Variants in ZNF704 observed in about 807,000 individuals in gnomAD.
ZNF704 encodes glucocorticoid induced gene 1.
In ZNF704, 10 loss-of-function variants were observed where a neutral mutation model predicts 44.7. The observed-to-expected ratio is 0.22, with a 90% CI of 0.14 to 0.38. The LOEUF is 0.38. ZNF704 is among the 10% of genes least tolerant of loss of function. The pLI is 1.00. For missense variants in ZNF704, 390 were observed against 545.5 expected (o/e 0.71, Z 2.84); for synonymous variants, 211 against 207.6 (o/e 1.02, Z -0.14).
chr8:80,653,465 G>T (rs1229900817), intron 7 of ZNF704, among the ~76,000 whole-genome samples: 2 of 152,182 alleles, frequency 1.3e-5, no homozygotes, highest in Admixed American at 6.5e-5. Context: ...AGTAACTTCA[G>T]CAAAGTCTCA....
chr8:80,637,554 AT>A lies in ZNF704; in HGVS notation c.*3811del. On this transcript the variant is annotated 3_prime_UTR_variant, in exon 9 of 9. Coordinates refer to ENST00000327835, the MANE Select transcript of ZNF704 (RefSeq NM_001033723.3). ...GACTTAAAACTCGAGTGCTCTTGAGATTTAATGGAGGACATTTCAGTTTCAA... is the reference window on the plus strand; with the variant it reads ...GACTTAAAACTCGAGTGCTCTTGAGATTAATGGAGGACATTTCAGTTTCAA... 1 of 152,342 alleles carries A rather than the reference AT, an allele frequency of 6.6e-6. No individual in the cohort carries two copies. Among genetic ancestry groups the A allele is most frequent in the East Asian group, 1.9e-4 (1 of 5,184 alleles). The allele number at this position is 152,342 out of a possible 1,614,324, so 9.4% of individuals were successfully genotyped here. A position where few individuals can be genotyped will look rare whatever the true frequency, so the allele number is the denominator to read the frequency against.
At chr8:80,758,183 T>G (rs1807068897) in intron 2 of ZNF704, among the ~76,000 whole-genome samples, 1 of 152,252 alleles carries the variant, frequency 6.6e-6, no homozygotes, top group South Asian at 2.1e-4. Flanking sequence ...CTTCCTTCAG[T>G]TCACTGTGGA....
At chr8:80,759,237 ACCCTAGAGTAAC>A (rs557243915) in intron 2 of ZNF704, among the ~76,000 whole-genome samples, 5 of 151,144 alleles carry the variant, frequency 3.3e-5, no homozygotes, top group Non-Finnish European at 7.4e-5. Context: ...CTTTTGATGG[ACCCTAGAGTAAC>A]ATTATAGTTA....
chr8:80,858,956 T>C (rs77557075), intron 1 of ZNF704, among the ~76,000 whole-genome samples: 1,789 of 152,318 alleles, frequency 0.012, 33 homozygotes, highest in African/African-American at 0.04. Context: ...ATTCTACAAG[T>C]ATTAACTAGA....
chr8:80,647,046 A>G (rs1817844884), intron 7 of ZNF704, among the ~76,000 whole-genome samples: 1 of 152,220 alleles, frequency 6.6e-6, no homozygotes, highest in South Asian at 2.1e-4. Flanking sequence ...TCTTCATTCA[A>G]CAGATATTTA....
At position 80,709,449 on chromosome 8, in the gene ZNF704, A is replaced by T. The variant is rs959280841; in HGVS notation, c.222-16342T>A. 5.7e-3 allele frequency among the ~76,000 whole-genome samples: 769 copies of T among 133,828 alleles called. 30 individuals carry two copies. The highest frequency in any genetic ancestry group is 0.02 in the African/African-American group (731 of 36,632). 87.8% of individuals were successfully genotyped at this position (133,828 alleles called of 152,430 possible). ...CAGTGCGAGACTCCATCTCAAAAAA[A>T]AAAAAAAAAAAAAAAAAAAAAAAAG... is the stretch of plus-strand genomic sequence containing the variant. On this transcript the variant is annotated intron_variant, in intron 2 of 8. Transcript: ENST00000327835.
At chr8:80,667,703 T>C (rs909106594) in intron 5 of ZNF704, among the ~76,000 whole-genome samples, 1 of 152,122 alleles carries the variant, frequency 6.6e-6, no homozygotes, top group African/African-American at 2.4e-5. Flanking sequence ...AATGAATGAG[T>C]GAATGAATGG....
chr8:80,802,207 A>C (rs1186369673), intron 2 of ZNF704, among the ~76,000 whole-genome samples: 1 of 151,268 alleles, frequency 6.6e-6, no homozygotes, highest in East Asian at 1.9e-4. Context: ...AAAAAAAAAA[A>C]AAAAAAGCCC....
At chr8:80,826,955 C>T (rs931113706) in intron 1 of ZNF704, among the ~76,000 whole-genome samples, 5 of 152,096 alleles carry the variant, frequency 3.3e-5, no homozygotes, top group African/African-American at 1.2e-4. Flanking sequence ...ATGACAAACC[C>T]ACAGCGAATA....
At position 80,659,524 on chromosome 8, in the gene ZNF704, C is replaced by A. The variant is rs150829194; in HGVS notation, c.1032+61G>T. 1.7e-5 allele frequency: 23 copies of A among 1,375,128 alleles called. No homozygotes were observed. In the East Asian group the frequency reaches 4.4e-4, roughly 26 times the overall value. 85.2% of individuals were successfully genotyped at this position (1,375,128 alleles called of 1,614,324 possible). On this transcript the variant is annotated intron_variant, in intron 7 of 8. Coordinates refer to ENST00000327835, the MANE Select transcript of ZNF704 (RefSeq NM_001033723.3). ...TTCTTGCATGCCTCTACTATTTGTTCGCTAAATTTAGTCTACATTGGCTTT... is the reference window on the plus strand; with the variant it reads ...TTCTTGCATGCCTCTACTATTTGTTAGCTAAATTTAGTCTACATTGGCTTT...
In ZNF704 at chr8:80,821,529, G is replaced by A. The variant is rs769645549; in HGVS notation, c.66C>T (p.His22=). ...RDCGKKMSHQ[H]VFSLAMEEDV... ...CTTCCTCCATGGCCAAGGAAAACAC[G>A]TGTTGATGAGACATTTTTTTACCAC... The change falls in exon 2 of 9, where the codon CAC becomes CAT. Residue 22 remains histidine (H), a synonymous_variant. Transcript: ENST00000327835. 6.2e-6 allele frequency: 10 copies of A among 1,614,102 alleles called. No individual in the cohort carries two copies. Among genetic ancestry groups the A allele is most frequent in the Admixed American group, 1.7e-5 (1 of 60,004 alleles).
At chr8:80,730,538 TAAAAAAA>T (rs148942015) in intron 2 of ZNF704, among the ~76,000 whole-genome samples, 12 of 63,966 alleles carry the variant, frequency 1.9e-4, no homozygotes, top group South Asian at 8.6e-4. Flanking sequence ...GACTACATCT[TAAAAAAA>T]AAAAAAAAAA....
intron 2 of ZNF704, among the ~76,000 whole-genome samples, chr8:80,816,814 T>A (rs1264472050): frequency 6.6e-6 from 1 of 152,186 alleles, no homozygotes; most frequent in Non-Finnish European, 1.5e-5. Context: ...GAAAGTTGAA[T>A]AATTTGAAGA....
intron 1 of ZNF704, among the ~76,000 whole-genome samples, chr8:80,868,067 G>A (rs745981473): frequency 2.6e-5 from 4 of 152,114 alleles, no homozygotes; most frequent in Admixed American, 1.3e-4. Context: ...TCTCAGCCTC[G>A]CTACTGTTTT....
intron 7 of ZNF704, among the ~76,000 whole-genome samples, chr8:80,646,879 C>T (rs2131592885): frequency 6.6e-6 from 1 of 152,114 alleles, no homozygotes; most frequent in South Asian, 2.1e-4. Context: ...TTATAGAATC[C>T]CAAGAACACT....
In ZNF704 at chr8:80,692,860, G is replaced by A. The variant is rs541374535; in HGVS notation, c.325+144C>T. On this transcript the variant is annotated intron_variant, in intron 3 of 8. Coordinates refer to ENST00000327835, the MANE Select transcript of ZNF704 (RefSeq NM_001033723.3). Reference sequence around the variant, plus strand: ...GGGGGCTGACAGCTCTGGGGGCCTCGACTTCTTCCACGTTTCTCTTTGCTT... The same window carrying A: ...GGGGGCTGACAGCTCTGGGGGCCTCAACTTCTTCCACGTTTCTCTTTGCTT... The A allele has an allele frequency of 2.3e-5, 16 of 709,698 alleles. No homozygotes were observed. In the East Asian group the frequency reaches 3.0e-4, roughly 13 times the overall value. The allele number at this position is 709,698 out of a possible 1,614,324, so 44.0% of individuals were successfully genotyped here. A position where few individuals can be genotyped will look rare whatever the true frequency, so the allele number is the denominator to read the frequency against.
upstream of ZNF704, among the ~76,000 whole-genome samples, chr8:80,877,164 G>A (rs1234085783): frequency 1.5e-5 from 2 of 135,462 alleles, no homozygotes; most frequent in Non-Finnish European, 3.1e-5. Flanking sequence ...CCACATTGCT[G>A]GAAAGGCTGC....
At chr8:80,832,617 T>A (rs1563569891) in intron 1 of ZNF704, among the ~76,000 whole-genome samples, 1 of 151,978 alleles carries the variant, frequency 6.6e-6, no homozygotes, top group Non-Finnish European at 1.5e-5. Context: ...CCAGGAATAA[T>A]CTGAAAACAA....
rs1224149794 is a variant in ZNF704, at chr8:80,630,466, C to T, written c.*10900G>A. ...CTGATTGCATTTCCACTAAATACCC[C>T]ATTTTAAATATTTAATAATTTCATT... On this transcript the variant is annotated 3_prime_UTR_variant, in exon 9 of 9. Coordinates refer to ENST00000327835, the MANE Select transcript of ZNF704 (RefSeq NM_001033723.3). 6.6e-6 allele frequency: 1 copy of T among 152,206 alleles called. No homozygotes were observed. The highest frequency in any genetic ancestry group is 1.5e-5 in the Non-Finnish European group (1 of 68,038). 9.4% of individuals were successfully genotyped at this position (152,206 alleles called of 1,614,324 possible).
Sources: allele counts gnomAD v4.1 joint callset (sites outside exome capture counted in the v4.1 genomes callset), GRCh38; gene constraint gnomAD v4.1.1; transcripts MANE v1.5; gene names NCBI Gene and HGNC (gene_info 2026-07-23, HGNC 2026-07-21).